Variants in GALNT11 observed in about 807,000 individuals in gnomAD.
GALNT11 encodes polypeptide N-acetylgalactosaminyltransferase 11.
Under a neutral mutation model 72.7 loss-of-function variants are expected in GALNT11, and 47 were observed. The observed-to-expected ratio is 0.65, with a 90% CI of 0.51 to 0.82. The LOEUF (loss-of-function observed/expected upper bound fraction) is 0.82, where lower values mean the gene tolerates loss of function less well. Among genes scored for constraint, GALNT11 ranks in the 40% least tolerant of loss-of-function variants. GALNT11 has a pLI of 0.00. For missense variants in GALNT11, 677 were observed against 778.4 expected (o/e 0.87, Z 1.55); for synonymous variants, 270 against 286.6 (o/e 0.94, Z 0.58).
chr7:152,094,332 G>T lies in GALNT11; in HGVS notation c.105G>T (p.Gln35His), dbSNP rs2086236997. Reference sequence around the variant, plus strand: ...ATTTCAACTTCAGTGAAGTGACTCAGCCACTTAAGAATGTGCCCGTCAAGG... The same window carrying T: ...ATTTCAACTTCAGTGAAGTGACTCATCCACTTAAGAATGTGCCCGTCAAGG... ...FVYFNFSEVT[Q>H]PLKNVPVKGS... The change falls in exon 2 of 12, where the codon CAG becomes CAT. Residue 35 changes from glutamine to histidine, a missense_variant. Coordinates refer to ENST00000430044, the MANE Select transcript of GALNT11 (RefSeq NM_022087.4). This position sits in a 1 kb window ranked among gnomAD's most constrained non-coding sequence, Gnocchi z 4.3. The T allele has an allele frequency of 6.2e-7, 1 of 1,614,000 alleles. No homozygotes were observed. Among genetic ancestry groups the T allele is most frequent in the African/African-American group, 1.3e-5 (1 of 74,882 alleles).
intron 1 of GALNT11, among the ~76,000 whole-genome samples, chr7:152,079,824 C>T (rs985531507): frequency 2.0e-5 from 3 of 152,178 alleles, no homozygotes; most frequent in African/African-American, 7.2e-5. Context: ...TATTTGTACT[C>T]ACATGACTAC....
intron 2 of GALNT11, 138 bp from the exon 3 acceptor site, chr7:152,100,660 A>G: frequency 2.8e-6 from 3 of 1,059,214 alleles, no homozygotes; most frequent in South Asian, 3.2e-5. Context: ...ACTTCAACCT[A>G]GAGACAACCT....
At chr7:152,099,791 A>C (rs1284592212) in intron 2 of GALNT11, among the ~76,000 whole-genome samples, 2 of 104,854 alleles carry the variant, frequency 1.9e-5, no homozygotes, top group Non-Finnish European at 3.6e-5. Flanking sequence ...AAAAGACAGG[A>C]TCTCACTCTG....
intron 1 of GALNT11, among the ~76,000 whole-genome samples, chr7:152,076,442 TA>T (rs139863129): frequency 0.027 from 4,065 of 152,212 alleles, 184 homozygotes; most frequent in African/African-American, 0.094. Context: ...AGACAGCCAA[TA>T]AAGGGCATGT....
Position 152,094,297 on chromosome 7 carries a change from C to T in GALNT11, c.70C>T (p.Leu24Phe), listed in dbSNP as rs1314134667. ...TACATCTGCGACCTGGACAGTTTTGCTTTTTGTTTATTTCAACTTCAGTGA... is the reference window on the plus strand; with the variant it reads ...TACATCTGCGACCTGGACAGTTTTGTTTTTTGTTTATTTCAACTTCAGTGA... ...LFTSATWTVL[L>F]FVYFNFSEVT... The change falls in exon 2 of 12, where the codon CTT becomes TTT. Residue 24 changes from leucine (L) to phenylalanine (F), a missense_variant. Physicochemically the swap from Leu to Phe is conservative, Grantham distance 22 (BLOSUM62 0). Transcript: ENST00000430044. This position sits in a 1 kb window ranked among gnomAD's most constrained non-coding sequence, Gnocchi z 4.3. 1.2e-6 allele frequency: 2 copies of T among 1,614,032 alleles called. No individual in the cohort carries two copies. The highest frequency in any genetic ancestry group is 1.3e-5 in the African/African-American group (1 of 75,008).
chr7:152,103,851 T>C (rs1393137698), intron 4 of GALNT11: 2 of 154,390 alleles, frequency 1.3e-5, no homozygotes. Flanking sequence ...GTCATATAAA[T>C]GGAATCACAC....
In GALNT11 at chr7:152,113,426, A is replaced by G. The variant is rs760708904; in HGVS notation, c.1233+28A>G. 2.5e-6 allele frequency: 4 copies of G among 1,610,614 alleles called. No homozygotes were observed. The African/African-American group carries it at 4.0e-5, about 16-fold the overall frequency. The stretch of plus-strand genomic sequence containing the variant: ...GAGATGAAATTTCTTGTTTAGAAGG[A>G]TGAATGATAGGCCGGCAGTGACTGG... On this transcript the variant is annotated intron_variant, in intron 8 of 11. Coordinates refer to ENST00000430044, the MANE Select transcript of GALNT11 (RefSeq NM_022087.4).
At chr7:152,065,655 TAACA>T (rs2084266713) in intron 1 of GALNT11, among the ~76,000 whole-genome samples, 1 of 152,334 alleles carries the variant, frequency 6.6e-6, no homozygotes, top group Non-Finnish European at 1.5e-5. Flanking sequence ...GTTTTCCTTC[TAACA>T]GTCAGGACCC....
chr7:152,089,451 A>G (rs865968315), intron 1 of GALNT11, among the ~76,000 whole-genome samples: 37 of 152,346 alleles, frequency 2.4e-4, no homozygotes, highest in African/African-American at 8.9e-4. Flanking sequence ...AACAAAGGAA[A>G]GACGTAATTT....
chr7:152,099,871 C>A (rs1013676035), intron 2 of GALNT11, among the ~76,000 whole-genome samples: 1 of 146,596 alleles, frequency 6.8e-6, no homozygotes, highest in African/African-American at 2.5e-5. Flanking sequence ...CTCAAGCAGT[C>A]TTCCTGCCTC....
At chr7:152,120,028 G>C (rs1179949101) in intron 10 of GALNT11, 1 of 152,220 alleles carries the variant, frequency 6.6e-6, no homozygotes, top group Non-Finnish European at 1.5e-5. Context: ...GGGTGATGGA[G>C]TTATCCTATT....
chr7:152,026,315 C>A (rs1229936686), intron 1 of GALNT11, among the ~76,000 whole-genome samples: 1 of 152,154 alleles, frequency 6.6e-6, no homozygotes, highest in Non-Finnish European at 1.5e-5. Flanking sequence ...ATCTCGGGAC[C>A]CCAAATCACT....
chr7:152,031,677 A>G (rs34722589), intron 1 of GALNT11, among the ~76,000 whole-genome samples: 13,545 of 152,078 alleles, frequency 0.089, 1,138 homozygotes, highest in African/African-American at 0.21. Context: ...CTGAGTAAGG[A>G]CTCCAAGAGC....
At chr7:152,106,514 T>G (rs1477021892) in intron 5 of GALNT11, among the ~76,000 whole-genome samples, 1 of 152,242 alleles carries the variant, frequency 6.6e-6, no homozygotes, top group Non-Finnish European at 1.5e-5. Context: ...AATTCAAGGC[T>G]TGTGAGACTT....
chr7:152,046,726 T>C (rs929087156), intron 1 of GALNT11, among the ~76,000 whole-genome samples: 1 of 152,180 alleles, frequency 6.6e-6, no homozygotes, highest in East Asian at 1.9e-4. Context: ...GGTTGTTGGG[T>C]CTGCTTTTTT....
intron 1 of GALNT11, among the ~76,000 whole-genome samples, chr7:152,082,877 G>A (rs576208958): frequency 6.6e-6 from 1 of 152,244 alleles, no homozygotes; most frequent in Admixed American, 6.5e-5. Flanking sequence ...ATTTAAATTT[G>A]CACTTCTCTT....
chr7:152,031,232 C>A (rs1313305338), intron 1 of GALNT11, among the ~76,000 whole-genome samples: 1 of 152,218 alleles, frequency 6.6e-6, no homozygotes, highest in East Asian at 1.9e-4. Context: ...GTATCCCATT[C>A]TCCACAAATG....
chr7:152,045,094 T>G (rs2083055107), intron 1 of GALNT11, among the ~76,000 whole-genome samples: 1 of 152,174 alleles, frequency 6.6e-6, no homozygotes, highest in South Asian at 2.1e-4. Context: ...ATTGATTGAT[T>G]TGTGTATGTT....
chr7:152,097,853 G>A (rs890248883), intron 2 of GALNT11, among the ~76,000 whole-genome samples: 3 of 152,308 alleles, frequency 2.0e-5, no homozygotes, highest in African/African-American at 4.8e-5. Context: ...GGGAATGGGA[G>A]GAATGGGAAT....
Sources: gnomAD v4.1 joint callset for allele counts (sites outside exome capture counted in the v4.1 genomes callset) on GRCh38, gnomAD v4.1.1 for gene constraint, Gnocchi (gnomAD v3.1) non-coding constraint, MANE v1.5 for transcripts, NCBI Gene and HGNC (gene_info 2026-07-23, HGNC 2026-07-21) for gene names.